Variants in SLC27A3 observed in about 807,000 individuals in gnomAD.
SLC27A3 encodes long-chain fatty acid transport protein 3.
In SLC27A3, 60 loss-of-function variants were observed where a neutral mutation model predicts 60.1. That is an observed-to-expected ratio of 1.00 (90% CI 0.81 to 1.24). The LOEUF (loss-of-function observed/expected upper bound fraction) is 1.24. Ranked by LOEUF, SLC27A3 falls within the 50% of genes most tolerant of loss-of-function variation. The pLI is 0.00. For synonymous variants in SLC27A3, 455 were observed against 409.0 expected (o/e 1.11, Z -1.36); for missense variants, 1,079 against 929.9 (o/e 1.16, Z -2.09).
intron 3 of SLC27A3, 22 bp from the exon 4 acceptor site, chr1:153,777,739 C>A (rs201533227): frequency 3.0e-5 from 19 of 627,812 alleles, no homozygotes; most frequent in Non-Finnish European, 2.6e-5. Context: ...CTCCCTTCTT[C>A]CCCCCTGCCC....
In SLC27A3 at chr1:153,779,948, G is replaced by A. The variant is rs1200263645; in HGVS notation, c.1998G>A (p.Leu666=). ...YVLDQAVGAY[L]PLTTARYSAL... ...TGGACCAGGCTGTAGGTGCCTACCT[G>A]CCCCTCACAACTGCCCGGTACAGCG... Residue 666 remains leucine, a synonymous_variant, in exon 10 of 10, where the codon CTG becomes CTA. Coordinates refer to ENST00000624995, the MANE Select transcript of SLC27A3 (RefSeq NM_024330.4). 6.2e-7 allele frequency: 1 copy of A among 1,614,106 alleles called. No individual in the cohort carries two copies. The highest frequency in any genetic ancestry group is 2.2e-5 in the East Asian group (1 of 44,882).
intron 3 of SLC27A3, chr1:153,777,456 A>G (rs1279244839): frequency 4.8e-6 from 3 of 624,582 alleles, no homozygotes; most frequent in Non-Finnish European, 8.4e-6. Context: ...GCAGGGAAGG[A>G]CTGTGTCAGT....
At chr1:153,778,387 G>A (rs1432644621) in intron 5 of SLC27A3, 32 bp downstream of exon 5, 8 of 1,613,728 alleles carry the variant, frequency 5.0e-6, no homozygotes, top group Non-Finnish European at 6.8e-6. Context: ...GAAAACCCGT[G>A]GAACAGCAGA....
chr1:153,777,079 C>G lies in SLC27A3; in HGVS notation c.895C>G (p.Arg299Gly), dbSNP rs150357360. 1.9e-6 allele frequency: 3 copies of G among 1,614,226 alleles called. No homozygotes were observed. Among genetic ancestry groups the G allele is most frequent in the South Asian group, 1.1e-5 (1 of 91,088 alleles). The change falls in exon 3 of 10, where the codon CGG becomes GGG. Residue 299 changes from arginine to glycine, a missense_variant. Arg to Gly is a moderately radical substitution (Grantham distance 125). Transcript: ENST00000624995. ...SGTTGLPKAA[R>G]ISHLKILQCQ... is the part of the protein sequence containing the mutation. ...CCCCACAGGCCTCCCCAAGGCTGCT[C>G]GGATCAGTCATCTGAAGATCCTGCA...
chr1:153,777,785 A>G lies in SLC27A3; in HGVS notation c.1061A>G (p.Lys354Arg), dbSNP rs781611111. 3 of 1,614,128 alleles carry G rather than the reference A, an allele frequency of 1.9e-6. No homozygotes were observed. The highest frequency in any genetic ancestry group is 2.5e-6 in the Non-Finnish European group (3 of 1,180,016). Reference protein sequence around the residue: ...GIGATVVLKSKFSAGQFWEDC... With the variant: ...GIGATVVLKSRFSAGQFWEDC... ...GGGGCCACAGTGGTGCTGAAATCCAAGTTCTCGGCTGGTCAGTTCTGGGAA... is the reference window on the plus strand; with the variant it reads ...GGGGCCACAGTGGTGCTGAAATCCAGGTTCTCGGCTGGTCAGTTCTGGGAA... Residue 354 changes from lysine to arginine, a missense_variant, in exon 4 of 10, where the codon AAG becomes AGG. Coordinates refer to ENST00000624995, the MANE Select transcript of SLC27A3 (RefSeq NM_024330.4).
chr1:153,776,156 T>TGGCGCC lies in SLC27A3; in HGVS notation c.660_665dup (p.Ala221_Pro222dup), dbSNP rs1331735766. The TGGCGCC allele has an allele frequency of 7.7e-6, 11 of 1,419,920 alleles. No homozygotes were observed. Among genetic ancestry groups the TGGCGCC allele is most frequent in the Non-Finnish European group, 1.0e-5 (11 of 1,099,828 alleles). 88.0% of individuals were successfully genotyped at this position (1,419,920 alleles called of 1,614,324 possible). On this transcript the variant is annotated inframe_insertion, in exon 1 of 10. Transcript: ENST00000624995. ...AGCTGCGGCGCGCGCGCGCTGGTGCTGGCGCCAGGTAAGGCTGGAGCTCCG... is the reference window on the plus strand; with the variant it reads ...AGCTGCGGCGCGCGCGCGCTGGTGCTGGCGCCGGCGCCAGGTAAGGCTGGAGCTCCG...
chr1:153,779,337 C>G lies in SLC27A3; in HGVS notation c.1745-6C>G. ...AGGGGCTTACTCTGTCTCCCACACC[C>G]ACCAGGGCATGAAGGCAGGGCTGGA... On this transcript the variant is annotated splice_region_variant and splice_polypyrimidine_tract_variant and intron_variant, in intron 8 of 9. Coordinates refer to ENST00000624995, the MANE Select transcript of SLC27A3 (RefSeq NM_024330.4). 2 of 1,613,902 alleles carry G rather than the reference C, an allele frequency of 1.2e-6. No homozygotes were observed. The highest frequency in any genetic ancestry group is 1.7e-6 in the Non-Finnish European group (2 of 1,179,878).
In SLC27A3 at chr1:153,776,048, G is replaced by C. The variant is rs757980775; in HGVS notation, c.551G>C (p.Trp184Ser). ...GCTGGCCCAGAGTTTCTGTGGCTCT[G>C]GTTCGGGCTGGCCAAGGCCGGCCTG... is the stretch of plus-strand genomic sequence containing the variant. ...LPAGPEFLWLWFGLAKAGLRT... is the reference protein window; with the variant it reads ...LPAGPEFLWLSFGLAKAGLRT... The change falls in exon 1 of 10, where the codon TGG (tryptophan) becomes TCG (serine). Residue 184 changes from tryptophan (W) to serine (S), a missense_variant. Coordinates refer to ENST00000624995, the MANE Select transcript of SLC27A3 (RefSeq NM_024330.4). The C allele has an allele frequency of 9.0e-5, 131 of 1,463,098 alleles. No homozygotes were observed. The highest frequency in any genetic ancestry group is 8.1e-6 in the Non-Finnish European group (9 of 1,116,776). The allele number at this position is 1,463,098 out of a possible 1,614,324, so 90.6% of individuals were successfully genotyped here. A position where few individuals can be genotyped will look rare whatever the true frequency, so the allele number is the denominator to read the frequency against.
rs750817089 is a variant in SLC27A3, at chr1:153,779,160, G to A, written c.1693G>A (p.Glu565Lys). Reference protein sequence around the residue: ...VATTEVAEVFEALDFLQEVNV... With the variant: ...VATTEVAEVFKALDFLQEVNV... ...CACAACCGAGGTGGCAGAGGTCTTC[G>A]AGGCCCTAGATTTTCTTCAGGAGGT... is the stretch of plus-strand genomic sequence containing the variant. Residue 565 changes from glutamate (E) to lysine (K), a missense_variant, in exon 8 of 10, where the codon GAG (glutamate) becomes AAG (lysine). Transcript: ENST00000624995. 3.3e-5 allele frequency: 54 copies of A among 1,614,050 alleles called. 2 individuals carry two copies. The South Asian group carries it at 4.6e-4, about 14-fold the overall frequency.
intron 8 of SLC27A3, 47 bp downstream of exon 8, chr1:153,779,258 A>G (rs1318228973): frequency 6.2e-6 from 10 of 1,613,752 alleles, no homozygotes; most frequent in Non-Finnish European, 8.5e-6. Context: ...ACCACCCCGA[A>G]TTGGTAGTAC....
chr1:153,779,985 G>A lies in SLC27A3; in HGVS notation c.2035G>A (p.Gly679Arg), dbSNP rs1277417928. ...TTARYSALLA[G>R]NLRI ...TGCCCGGTACAGCGCCCTCCTGGCA[G>A]GAAACCTTCGAATCTGAGAACTTCC... The change falls in exon 10 of 10, where the codon GGA (glycine) becomes AGA (arginine). Residue 679 changes from glycine (G) to arginine (R), a missense_variant. Transcript: ENST00000624995. The A allele has an allele frequency of 1.2e-6, 2 of 1,612,784 alleles. No individual in the cohort carries two copies. The highest frequency in any genetic ancestry group is 1.3e-5 in the African/African-American group (1 of 74,900).
Position 153,778,565 on chromosome 1 carries a change from T to C in SLC27A3, c.1447+12T>C. The C allele has an allele frequency of 6.2e-7, 1 of 1,613,404 alleles. No homozygotes were observed. The highest frequency in any genetic ancestry group is 8.5e-7 in the Non-Finnish European group (1 of 1,179,362). Reference sequence around the variant, plus strand: ...GGCCACATCTCCAGGTTGGTGGTGTTCTGGTGGGGTGGGCGGGGTGCTGAA... The same window carrying C: ...GGCCACATCTCCAGGTTGGTGGTGTCCTGGTGGGGTGGGCGGGGTGCTGAA... On this transcript the variant is annotated intron_variant, in intron 6 of 9. Coordinates refer to ENST00000624995, the MANE Select transcript of SLC27A3 (RefSeq NM_024330.4).
In SLC27A3 at chr1:153,776,032, G is replaced by T; in HGVS notation, c.535G>T (p.Glu179Ter). The T allele has an allele frequency of 6.9e-7, 1 of 1,456,476 alleles. No individual in the cohort carries two copies. 90.2% of individuals were successfully genotyped at this position (1,456,476 alleles called of 1,614,324 possible). A position where few individuals can be genotyped will look rare whatever the true frequency, so the allele number is the denominator to read the frequency against. Residue 179 changes from glutamate to a stop codon, truncating the protein, a stop_gained, in exon 1 of 10, where the codon GAG becomes TAG. Coordinates refer to ENST00000624995, the MANE Select transcript of SLC27A3 (RefSeq NM_024330.4). LOFTEE classifies it high-confidence loss of function. Reference sequence around the variant, plus strand: ...GGCGCTGCTCCTCCCCGCTGGCCCAGAGTTTCTGTGGCTCTGGTTCGGGCT... The same window carrying T: ...GGCGCTGCTCCTCCCCGCTGGCCCATAGTTTCTGTGGCTCTGGTTCGGGCT... ...TVALLLPAGP[E>*]FLWLWFGLAK...
At chr1:153,778,114 C>T (rs370825283) in intron 4 of SLC27A3, 47 bp from the exon 5 acceptor site, 52 of 1,561,944 alleles carry the variant, frequency 3.3e-5, no homozygotes, top group Middle Eastern at 2.0e-4. Context: ...CTTCCGGGAG[C>T]GGGCATCTTG....
At position 153,775,702 on chromosome 1, in the gene SLC27A3, T is replaced by TGGCGCCTCGCGGAACTGGCCC; in HGVS notation, c.206_226dup (p.Ala75_Gln76insArgArgLeuAlaGluLeuAla). 6.5e-7 allele frequency: 1 copy of TGGCGCCTCGCGGAACTGGCCC among 1,527,114 alleles called. No individual in the cohort carries two copies. The highest frequency in any genetic ancestry group is 8.8e-7 in the Non-Finnish European group (1 of 1,141,796). 94.6% of individuals were successfully genotyped at this position (1,527,114 alleles called of 1,614,324 possible). ...TCCCGAGGGGGGCTGCAGCCTGGCCTGGCGCCTCGCGGAACTGGCCCAGCA... is the reference window on the plus strand; with the variant it reads ...TCCCGAGGGGGGCTGCAGCCTGGCCTGGCGCCTCGCGGAACTGGCCCGGCGCCTCGCGGAACTGGCCCAGCA... On this transcript the variant is annotated inframe_insertion, in exon 1 of 10. Coordinates refer to ENST00000624995, the MANE Select transcript of SLC27A3 (RefSeq NM_024330.4).
Position 153,779,487 on chromosome 1 carries a change from TC to T in SLC27A3, c.1875+19del. The T allele has an allele frequency of 6.2e-7, 1 of 1,606,378 alleles. No individual in the cohort carries two copies. The highest frequency in any genetic ancestry group is 8.5e-7 in the Non-Finnish European group (1 of 1,177,356). On this transcript the variant is annotated intron_variant, in intron 9 of 9. Coordinates refer to ENST00000624995, the MANE Select transcript of SLC27A3 (RefSeq NM_024330.4). ...CTCAGGCTCCAGGTAACCGGCCACT[TC>T]CCCCGCCGGCCCCTCACCCCATATA... is the stretch of plus-strand genomic sequence containing the variant.
intron 5 of SLC27A3, 51 bp from the exon 6 acceptor site, chr1:153,778,411 AG>A (rs1673348209): frequency 1.2e-6 from 2 of 1,613,428 alleles, no homozygotes; most frequent in Admixed American, 1.7e-5. Context: ...CTGGCAGGAG[AG>A]GGGGCTCATG....
chr1:153,776,558 A>C lies in SLC27A3; in HGVS notation c.708A>C (p.Arg236Ser). Residue 236 changes from arginine (R) to serine (S), a missense_variant, in exon 2 of 10, where the codon AGA becomes AGC. Physicochemically the swap from Arg to Ser is moderately radical, Grantham distance 110. Transcript: ENST00000624995. ...ESLEPDLPAL[R>S]AMGLHLWAAG... ...TGGAGCCGGACCTGCCCGCCCTGAG[A>C]GCCATGGGGCTCCACCTGTGGGCTG... 1.9e-6 allele frequency: 3 copies of C among 1,614,092 alleles called. No individual in the cohort carries two copies. Among genetic ancestry groups the C allele is most frequent in the Non-Finnish European group, 1.7e-6 (2 of 1,180,016 alleles).
rs1673239263 is a variant in SLC27A3 at position 153,776,615 on chromosome 1, C to T, written c.765C>T (p.Ser255=). 5 of 1,614,110 alleles carry T rather than the reference C, an allele frequency of 3.1e-6. No individual in the cohort carries two copies. Among genetic ancestry groups the T allele is most frequent in the African/African-American group, 2.7e-5 (2 of 74,934 alleles). Residue 255 remains serine, a synonymous_variant, in exon 2 of 10, where the codon AGC becomes AGT. Coordinates refer to ENST00000624995, the MANE Select transcript of SLC27A3 (RefSeq NM_024330.4). ...CAGGAACCCACCCTGCTGGAATTAG[C>T]GATTTGCTGGCTGAAGTGTCCGCTG... ...AGPGTHPAGI[S]DLLAEVSAEV...
Sources: gnomAD v4.1 joint callset for allele counts on GRCh38, gnomAD v4.1.1 for gene constraint, MANE v1.5 for transcripts, NCBI Gene and HGNC (gene_info 2026-07-23, HGNC 2026-07-21) for gene names.